KIF16B: variants seen among roughly 807,000 people sequenced by gnomAD.
KIF16B encodes kinesin family member 16B.
KIF16B carries 98 observed loss-of-function variants against 156.3 expected under a neutral mutation model. That is an observed-to-expected ratio of 0.63 (90% CI 0.53 to 0.74). The LOEUF (loss-of-function observed/expected upper bound fraction) is 0.74, where lower values mean the gene tolerates loss of function less well. Among genes scored for constraint, KIF16B ranks in the 30% least tolerant of loss-of-function variants. KIF16B has a pLI of 0.00. For synonymous variants in KIF16B, 564 were observed against 583.7 expected (o/e 0.97, Z 0.49); for missense variants, 1,421 against 1,606.5 (o/e 0.88, Z 1.97).
In KIF16B at chr20:16,379,417, T is replaced by C; in HGVS notation, c.2585A>G (p.Glu862Gly). 1 of 1,612,660 alleles carries C rather than the reference T, an allele frequency of 6.2e-7. No homozygotes were observed. Among genetic ancestry groups the C allele is most frequent in the Non-Finnish European group, 8.5e-7 (1 of 1,179,610 alleles). The change falls in exon 19 of 26, where the codon GAG (glutamate) becomes GGG (glycine). Residue 862 changes from glutamate (E) to glycine (G), a missense_variant. Physicochemically the swap from Glu to Gly is moderately conservative, Grantham distance 98 (BLOSUM62 -2). Transcript: ENST00000354981. Reference sequence around the variant, plus strand: ...TTTGTCATGTTCACATTTTAAACACTCTAGGATCTCCTGTTCTTCTTGGAC... The same window carrying C: ...TTTGTCATGTTCACATTTTAAACACCCTAGGATCTCCTGTTCTTCTTGGAC... ...KEVQEEQEIL[E>G]CLKCEHDKES...
chr20:16,354,870 C>T (rs959683841), intron 23 of KIF16B, among the ~76,000 whole-genome samples: 2 of 151,978 alleles, frequency 1.3e-5, no homozygotes, highest in African/African-American at 4.8e-5. Flanking sequence ...CTCTTGAACC[C>T]GGGAGGCGGA....
intron 24 of KIF16B, among the ~76,000 whole-genome samples, chr20:16,325,558 G>GAA (rs56094995): frequency 6.9e-6 from 1 of 145,330 alleles, no homozygotes; most frequent in Admixed American, 6.8e-5. Context: ...TACAATAGCT[G>GAA]AAAAAAAAAA....
intron 1 of KIF16B, among the ~76,000 whole-genome samples, chr20:16,562,127 A>C (rs558461198): frequency 6.6e-6 from 1 of 152,232 alleles, no homozygotes; most frequent in Non-Finnish European, 1.5e-5. Context: ...TTGCAACTTT[A>C]CTATAAATCT....
intron 23 of KIF16B, among the ~76,000 whole-genome samples, chr20:16,341,295 T>C (rs1156815226): frequency 6.6e-6 from 1 of 152,204 alleles, no homozygotes; most frequent in East Asian, 1.9e-4. Flanking sequence ...ATAGTTGGTT[T>C]GCTTAAAGTT....
At chr20:16,433,747 A>C (rs925981719) in intron 12 of KIF16B, among the ~76,000 whole-genome samples, 2 of 152,222 alleles carry the variant, frequency 1.3e-5, no homozygotes, top group African/African-American at 4.8e-5. Context: ...TATGACATTC[A>C]AGCTGCATTC....
chr20:16,497,656 G>A lies in KIF16B; in HGVS notation c.1199C>T (p.Thr400Ile), dbSNP rs1346744598. 2 of 1,611,200 alleles carry A rather than the reference G, an allele frequency of 1.2e-6. No homozygotes were observed. The highest frequency in any genetic ancestry group is 2.2e-5 in the East Asian group (1 of 44,830). Reference sequence around the variant, plus strand: ...AAGTTTTTCCTCCATACTTAAAGCTGTGGGGGAGTCTAAGAGGGCAATCTA... The same window carrying A: ...AAGTTTTTCCTCCATACTTAAAGCTATGGGGGAGTCTAAGAGGGCAATCTA... ...GNQIALLDSPTALSMEEKLQQ... is the reference protein window; with the variant it reads ...GNQIALLDSPIALSMEEKLQQ... The change falls in exon 11 of 26, where the codon ACA (threonine) becomes ATA (isoleucine). Residue 400 changes from threonine to isoleucine, a missense_variant. By Grantham distance (89) the Thr-to-Ile change is moderately conservative (BLOSUM62 -1). Coordinates refer to ENST00000354981, the MANE Select transcript of KIF16B (RefSeq NM_024704.5).
chr20:16,524,352 A>C (rs1319600686), intron 3 of KIF16B, among the ~76,000 whole-genome samples: 1 of 152,234 alleles, frequency 6.6e-6, no homozygotes, highest in Non-Finnish European at 1.5e-5. Flanking sequence ...ACCCCATCAA[A>C]AAGTGGGCAA....
chr20:16,412,378 A>C (rs1333885368), intron 15 of KIF16B, among the ~76,000 whole-genome samples: 1 of 152,114 alleles, frequency 6.6e-6, no homozygotes, highest in East Asian at 1.9e-4. Context: ...CTCTTTCAAG[A>C]AGTCTATGAA....
intron 23 of KIF16B, among the ~76,000 whole-genome samples, chr20:16,342,235 T>G (rs2064152402): frequency 6.6e-6 from 1 of 151,098 alleles, no homozygotes; most frequent in Non-Finnish European, 1.5e-5. Flanking sequence ...TAACTAATAC[T>G]AATTATATAT....
chr20:16,415,256 A>G (rs948745169), intron 15 of KIF16B, among the ~76,000 whole-genome samples: 1 of 152,134 alleles, frequency 6.6e-6, no homozygotes, highest in African/African-American at 2.4e-5. Context: ...CTTTCTTTCC[A>G]TTCTTGCCCA....
chr20:16,339,215 C>T (rs936638855), intron 23 of KIF16B, among the ~76,000 whole-genome samples: 6 of 152,180 alleles, frequency 3.9e-5, no homozygotes, highest in Non-Finnish European at 7.4e-5. Flanking sequence ...TTCTGTATTG[C>T]TAAATCCACT....
intron 23 of KIF16B, 111 bp downstream of exon 23, chr20:16,356,219 C>T (rs1252301005): frequency 9.5e-6 from 13 of 1,370,452 alleles, no homozygotes; most frequent in Non-Finnish European, 1.3e-5. Flanking sequence ...AAATATTTTA[C>T]AAACAGGATA....
chr20:16,386,000 A>G (rs1043003623), intron 17 of KIF16B, among the ~76,000 whole-genome samples: 1 of 152,102 alleles, frequency 6.6e-6, no homozygotes, highest in Non-Finnish European at 1.5e-5. Flanking sequence ...ATAGAATCCA[A>G]TGTTTACAAA....
chr20:16,377,844 G>A (rs754991338), intron 19 of KIF16B, among the ~76,000 whole-genome samples: 3 of 152,060 alleles, frequency 2.0e-5, no homozygotes, highest in Non-Finnish European at 4.4e-5. Flanking sequence ...CTTATGGTCT[G>A]GTAAGTATGG....
At chr20:16,492,076 T>A (rs1281236990) in intron 12 of KIF16B, among the ~76,000 whole-genome samples, 1 of 152,082 alleles carries the variant, frequency 6.6e-6, no homozygotes, top group Non-Finnish European at 1.5e-5. Context: ...TAAACCAACC[T>A]CATGGCTCAT....
chr20:16,436,018 A>C (rs1206038110), intron 12 of KIF16B, among the ~76,000 whole-genome samples: 1 of 152,088 alleles, frequency 6.6e-6, no homozygotes, highest in Non-Finnish European at 1.5e-5. Flanking sequence ...GATTTCATCT[A>C]TATTGGGATC....
At chr20:16,391,353 C>G (rs1401172215) in intron 17 of KIF16B, among the ~76,000 whole-genome samples, 1 of 152,168 alleles carries the variant, frequency 6.6e-6, no homozygotes, top group Non-Finnish European at 1.5e-5. Flanking sequence ...CATTCAGGAA[C>G]TGGTGGTTCA....
chr20:16,294,891 A>G (rs1203538411), intron 25 of KIF16B, among the ~76,000 whole-genome samples: 2 of 152,080 alleles, frequency 1.3e-5, no homozygotes, highest in Non-Finnish European at 2.9e-5. Flanking sequence ...GAGCTAGGAC[A>G]ACGCAGGGAG....
chr20:16,438,713 A>G (rs1034745336), intron 12 of KIF16B, among the ~76,000 whole-genome samples: 4 of 152,160 alleles, frequency 2.6e-5, no homozygotes, highest in African/African-American at 9.7e-5. Context: ...ATAAAACCCA[A>G]GCAAGCTATG....
Sources: allele counts gnomAD v4.1 joint callset (sites outside exome capture counted in the v4.1 genomes callset), GRCh38; gene constraint gnomAD v4.1.1; transcripts MANE v1.5; gene names NCBI Gene and HGNC (gene_info 2026-07-23, HGNC 2026-07-21).